ZBBX: variants seen among roughly 807,000 people sequenced by gnomAD.
ZBBX encodes the protein zinc finger B-box domain containing, also known as zinc finger B-box domain-containing protein 1.
A neutral mutation model predicts 108.5 loss-of-function variants in ZBBX; 101 were observed. That is an observed-to-expected ratio of 0.93 (90% CI 0.79 to 1.10). The LOEUF (loss-of-function observed/expected upper bound fraction) is 1.10, where lower values mean the gene tolerates loss of function less well. Among genes scored for constraint, ZBBX ranks in the 50% least tolerant of loss-of-function variants. The probability of loss-of-function intolerance (pLI) is 0.00; values close to 1 mark genes in which losing one functional copy is unlikely to be tolerated. For synonymous variants in ZBBX, 356 were observed against 323.4 expected, an observed-to-expected ratio of 1.10 and a Z score of -1.08; for missense variants, 1,009 against 941.4, an observed-to-expected ratio of 1.07 and a Z score of -0.94.
At chr3:167,225,739 A>G in the ZBBX span, among the ~76,000 whole-genome samples, 1 of 151,784 alleles carries the variant, frequency 6.6e-6, no homozygotes, top group South Asian at 2.1e-4. Flanking sequence ...AACTCATGCA[A>G]ATTGAGTAAC....
At chr3:167,270,521 T>C (rs1052670447) in intron 20 of ZBBX, among the ~76,000 whole-genome samples, 4 of 152,124 alleles carry the variant, frequency 2.6e-5, no homozygotes, top group African/African-American at 9.7e-5. Flanking sequence ...TTTTTGTCAG[T>C]GTAAATAATG....
chr3:167,248,502 C>T, intron 20 of ZBBX: 3 of 298,694 alleles, frequency 1.0e-5, no homozygotes, highest in Non-Finnish European at 2.1e-5. Flanking sequence ...AACTCTGTTT[C>T]TAATAGGGAA....
the ZBBX span, among the ~76,000 whole-genome samples, chr3:167,190,659 C>T: frequency 6.6e-6 from 1 of 152,258 alleles, no homozygotes; most frequent in Non-Finnish European, 1.5e-5. Context: ...GGATTACAGG[C>T]GTGAGCCACC....
intron 12 of ZBBX, among the ~76,000 whole-genome samples, chr3:167,321,087 T>C (rs776057341): frequency 6.6e-6 from 1 of 152,028 alleles, no homozygotes; most frequent in African/African-American, 2.4e-5. Flanking sequence ...TGCACTATGT[T>C]TATGTAAGAT....
At chr3:167,248,648 C>T (rs60512741) in intron 20 of ZBBX, 152,599 of 455,978 alleles carry the variant, frequency 0.33, 26,931 homozygotes, top group East Asian at 0.64. Flanking sequence ...CAGGCTGAGG[C>T]CCTAGAAAGA....
chr3:167,267,153 G>A (rs909368807), intron 20 of ZBBX, among the ~76,000 whole-genome samples: 1 of 152,200 alleles, frequency 6.6e-6, no homozygotes, highest in Non-Finnish European at 1.5e-5. Context: ...GCGGTTCCAC[G>A]GTCACCTCAT....
chr3:167,274,376 C>G (rs1169068150), intron 20 of ZBBX, among the ~76,000 whole-genome samples: 2 of 152,170 alleles, frequency 1.3e-5, no homozygotes, highest in East Asian at 3.9e-4. Flanking sequence ...AAAGACAACA[C>G]TCACTAAAAC....
At chr3:167,256,298 G>T (rs1202970070) in intron 20 of ZBBX, among the ~76,000 whole-genome samples, 1 of 151,964 alleles carries the variant, frequency 6.6e-6, no homozygotes, top group Non-Finnish European at 1.5e-5. Context: ...GGATATATGG[G>T]TTTCTTTTTT....
At chr3:167,249,385 T>C (rs1722172150) in intron 20 of ZBBX, among the ~76,000 whole-genome samples, 1 of 152,082 alleles carries the variant, frequency 6.6e-6, no homozygotes, top group South Asian at 2.1e-4. Flanking sequence ...CTCAAGCAAC[T>C]AAAAATATGA....
chr3:167,261,058 T>C (rs1314155640), intron 20 of ZBBX, among the ~76,000 whole-genome samples: 2 of 152,178 alleles, frequency 1.3e-5, no homozygotes, highest in African/African-American at 4.8e-5. Flanking sequence ...TTCCTATGGA[T>C]GTGGATTCCT....
At chr3:167,317,711 C>T (rs1472887078) in intron 12 of ZBBX, 114 bp from the exon 13 acceptor site, 33 of 606,448 alleles carry the variant, frequency 5.4e-5, no homozygotes, top group Non-Finnish European at 9.0e-5. Context: ...AATGATGAAA[C>T]CGTAACTGTA....
intron 20 of ZBBX, among the ~76,000 whole-genome samples, chr3:167,252,857 T>C (rs1385118795): frequency 6.6e-6 from 1 of 152,190 alleles, no homozygotes; most frequent in African/African-American, 2.4e-5. Context: ...TTGTACACTA[T>C]TGCATTCAAT....
At chr3:167,198,209 C>A in the ZBBX span, among the ~76,000 whole-genome samples, 1 of 151,934 alleles carries the variant, frequency 6.6e-6, no homozygotes, top group Admixed American at 6.6e-5. Flanking sequence ...AGTGTTATAT[C>A]TAGTGTGACA....
intron 1 of ZBBX, among the ~76,000 whole-genome samples, chr3:167,398,206 T>C (rs1408684827): frequency 6.6e-6 from 1 of 152,114 alleles, no homozygotes; most frequent in Non-Finnish European, 1.5e-5. Flanking sequence ...TTTGTTTATG[T>C]TTCAGAAATG....
chr3:167,351,100 A>G (rs1198396378), intron 8 of ZBBX, among the ~76,000 whole-genome samples: 1 of 152,070 alleles, frequency 6.6e-6, no homozygotes, highest in Non-Finnish European at 1.5e-5. Flanking sequence ...AAAAAAAAGT[A>G]TAAGAAAAAA....
intron 16 of ZBBX, among the ~76,000 whole-genome samples, chr3:167,311,617 T>C (rs1463049298): frequency 1.3e-5 from 2 of 151,938 alleles, no homozygotes; most frequent in African/African-American, 2.4e-5. Flanking sequence ...ATCAAAACAT[T>C]AGCTAAAAAC....
intron 18 of ZBBX, among the ~76,000 whole-genome samples, chr3:167,297,668 ACTC>A (rs1295443509): frequency 6.6e-6 from 1 of 151,946 alleles, no homozygotes; most frequent in African/African-American, 2.4e-5. Flanking sequence ...ATAATAAGGA[ACTC>A]CTATAACTCA....
At chr3:167,360,003 C>T in intron 7 of ZBBX, 24 bp from the exon 8 acceptor site, 1 of 1,327,940 alleles carries the variant, frequency 7.5e-7, no homozygotes. Context: ...AATAATATTA[C>T]TCCAATCATT....
intron 4 of ZBBX, among the ~76,000 whole-genome samples, chr3:167,370,424 T>C (rs1275634510): frequency 2.6e-5 from 4 of 152,130 alleles, no homozygotes; most frequent in Non-Finnish European, 5.9e-5. Flanking sequence ...CAGGTACAGT[T>C]CAGGATGAGT....
Sources: gnomAD v4.1 joint callset for allele counts (sites outside exome capture counted in the v4.1 genomes callset) on GRCh38, gnomAD v4.1.1 for gene constraint, MANE v1.5 for transcripts, NCBI Gene and HGNC (gene_info 2026-07-23, HGNC 2026-07-21) for gene names.